Variants in CDRT4 observed in about 807,000 individuals in gnomAD.
The protein encoded by CDRT4 is CMT1A duplicated region transcript 4.
For missense variants in CDRT4, 167 were observed against 193.1 expected, an observed-to-expected ratio of 0.87 and a Z score of 0.80; for synonymous variants, 64 against 69.6, an observed-to-expected ratio of 0.92 and a Z score of 0.40.
chr17:15,456,194 C>CA (rs1979473573), intron 1 of CDRT4, among the ~76,000 whole-genome samples: 1 of 152,070 alleles, frequency 6.6e-6, no homozygotes, highest in African/African-American at 2.4e-5. Context: ...TAACATACTA[C>CA]AAAAATGAAG....
intron 1 of CDRT4, among the ~76,000 whole-genome samples, chr17:15,465,781 C>A (rs1474205986): frequency 3.3e-5 from 5 of 152,234 alleles, no homozygotes; most frequent in Non-Finnish European, 5.9e-5. Context: ...AGCCAAGGGG[C>A]TCTTGCTGTG....
chr17:15,456,386 A>G (rs1979482752), intron 1 of CDRT4, among the ~76,000 whole-genome samples: 1 of 152,142 alleles, frequency 6.6e-6, no homozygotes, highest in African/African-American at 2.4e-5. Flanking sequence ...TGACATTTTC[A>G]TGGTTTCTTT....
chr17:15,438,562 C>T (rs987518029), intron 3 of CDRT4, among the ~76,000 whole-genome samples: 2 of 152,186 alleles, frequency 1.3e-5, no homozygotes, highest in Admixed American at 1.3e-4. Context: ...GGGCTTGGAA[C>T]AGTACACTTA....
In CDRT4 at chr17:15,458,324, T is replaced by C. The variant is rs573518469; in HGVS notation, c.-129-5239A>G. Among the ~76,000 whole-genome samples, 3 of 152,284 alleles carry C rather than the reference T, an allele frequency of 2.0e-5. No homozygotes were observed. The East Asian group carries it at 5.8e-4, about 29-fold the overall frequency. ...ACTGTGTCACCTTTGTGTCACTGTG[T>C]CCCTCTGCCTAAAATTCCACCTAAA... is the stretch of plus-strand genomic sequence containing the variant. On this transcript the variant is annotated intron_variant, in intron 1 of 3. Coordinates refer to ENST00000619038, the MANE Select transcript of CDRT4 (RefSeq NM_001204477.2).
At chr17:15,459,439 C>CTTTTTTTTTTTT (rs35161691) in intron 1 of CDRT4, among the ~76,000 whole-genome samples, 62 of 107,516 alleles carry the variant, frequency 5.8e-4, no homozygotes, top group Non-Finnish European at 7.7e-4. Context: ...CTTTTTTTTT[C>CTTTTTTTTTTTT]TTTTTTTTTT....
At chr17:15,444,592 C>T (rs1375440641) in intron 2 of CDRT4, among the ~76,000 whole-genome samples, 1 of 152,176 alleles carries the variant, frequency 6.6e-6, no homozygotes, top group Non-Finnish European at 1.5e-5. Flanking sequence ...GTGGCTCACA[C>T]TGTAATCCCA....
At position 15,446,067 on chromosome 17, in the gene CDRT4, A is replaced by G. The variant is rs553048469; in HGVS notation, c.-47-5782T>C. On this transcript the variant is annotated intron_variant, in intron 2 of 3. Coordinates refer to ENST00000619038, the MANE Select transcript of CDRT4 (RefSeq NM_001204477.2). ...AAGCCAGAAGTGTCTTGAAAAGCTTATCTCTGAGATCTGGAAAGATGCTCC... is the reference window on the plus strand; with the variant it reads ...AAGCCAGAAGTGTCTTGAAAAGCTTGTCTCTGAGATCTGGAAAGATGCTCC... 3.9e-5 allele frequency among the ~76,000 whole-genome samples: 6 copies of G among 152,114 alleles called. No individual in the cohort carries two copies. In the East Asian group the frequency reaches 1.2e-3, roughly 29 times the overall value.
intron 2 of CDRT4, among the ~76,000 whole-genome samples, 154 bp downstream of exon 2, chr17:15,452,850 G>GTC (rs964132687): frequency 2.6e-5 from 4 of 151,946 alleles, no homozygotes; most frequent in Non-Finnish European, 4.4e-5. Context: ...GTTGGGATGT[G>GTC]TCTCTCTCTC....
chr17:15,459,507 C>T (rs535686781), intron 1 of CDRT4, among the ~76,000 whole-genome samples: 3 of 143,242 alleles, frequency 2.1e-5, no homozygotes, highest in East Asian at 2.1e-4. Flanking sequence ...TGCAGTGGCG[C>T]GATCGCAGCT....
intron 2 of CDRT4, chr17:15,443,625 T>C (rs1337550499): frequency 1.2e-5 from 4 of 334,798 alleles, no homozygotes; most frequent in Non-Finnish European, 2.3e-5. Flanking sequence ...TTCTTTGCCA[T>C]GTCTGCTGCG....
intron 2 of CDRT4, among the ~76,000 whole-genome samples, chr17:15,441,243 C>T (rs1978742952): frequency 6.6e-6 from 1 of 152,186 alleles, no homozygotes; most frequent in Admixed American, 6.5e-5. Context: ...GTCTGGCGAT[C>T]ACACTTTGAG....
intron 2 of CDRT4, among the ~76,000 whole-genome samples, chr17:15,451,061 A>T (rs2190914): frequency 0.22 from 34,046 of 152,080 alleles, 7,385 homozygotes; most frequent in African/African-American, 0.53. Flanking sequence ...CCAAATCTCA[A>T]CTTGAATCGT....
At chr17:15,461,372 AC>A (rs1425761586) in intron 1 of CDRT4, among the ~76,000 whole-genome samples, 5 of 152,234 alleles carry the variant, frequency 3.3e-5, no homozygotes, top group Non-Finnish European at 7.3e-5. Context: ...TGCCACAAGG[AC>A]AGGAGTGATT....
chr17:15,439,578 A>G (rs1191540545), intron 3 of CDRT4, among the ~76,000 whole-genome samples: 9 of 152,208 alleles, frequency 5.9e-5, no homozygotes, highest in African/African-American at 2.2e-4. Context: ...AAACGCCTGG[A>G]GCAAAATGAG....
At chr17:15,456,787 A>G (rs1979503323) in intron 1 of CDRT4, among the ~76,000 whole-genome samples, 1 of 152,114 alleles carries the variant, frequency 6.6e-6, no homozygotes, top group Non-Finnish European at 1.5e-5. Context: ...GTCCTATGGG[A>G]GTTTTCCCTG....
intron 2 of CDRT4, among the ~76,000 whole-genome samples, chr17:15,443,282 CTT>C (rs34600279): frequency 3.1e-4 from 44 of 141,002 alleles, no homozygotes; most frequent in Admixed American, 5.0e-4. Flanking sequence ...TTTTTTCTTT[CTT>C]TTTTTTTTTT....
In CDRT4 at chr17:15,440,403, C is replaced by T. The variant is rs1034290860; in HGVS notation, c.-47-118G>A. The T allele has an allele frequency of 9.6e-6, 11 of 1,145,034 alleles. No individual in the cohort carries two copies. The African/African-American group carries it at 1.7e-4, about 18-fold the overall frequency. 70.9% of individuals were successfully genotyped at this position (1,145,034 alleles called of 1,614,324 possible). A position where few individuals can be genotyped will look rare whatever the true frequency, so the allele number is the denominator to read the frequency against. On this transcript the variant is annotated intron_variant, in intron 2 of 3. Coordinates refer to ENST00000619038, the MANE Select transcript of CDRT4 (RefSeq NM_001204477.2). ...GTCACTGCATGAGGCTAAGATGACT[C>T]CACCCCCTGAGAAGAGGACATGTTT... is the stretch of plus-strand genomic sequence containing the variant.
intron 2 of CDRT4, among the ~76,000 whole-genome samples, chr17:15,443,429 A>G (rs1035138592): frequency 7.0e-6 from 1 of 143,768 alleles, no homozygotes; most frequent in African/African-American, 2.6e-5. Context: ...ACAGGCACAC[A>G]CCACCATAGC....
At chr17:15,453,741 T>C (rs185850973) in intron 1 of CDRT4, among the ~76,000 whole-genome samples, 185 of 152,298 alleles carry the variant, frequency 1.2e-3, no homozygotes, top group Non-Finnish European at 2.0e-3. Flanking sequence ...TTGGGGAAAG[T>C]GTAGCATGGA....
Sources: gnomAD v4.1 joint callset for allele counts (sites outside exome capture counted in the v4.1 genomes callset) on GRCh38, gnomAD v4.1.1 for gene constraint, MANE v1.5 for transcripts, NCBI Gene and HGNC (gene_info 2026-07-23, HGNC 2026-07-21) for gene names.